The following BANP variants were observed in gnomAD, a reference collection of about 807,000 sequenced individuals.
The protein encoded by BANP is protein BANP.
In BANP, 11 loss-of-function variants were observed where a neutral mutation model predicts 68.1. The ratio of observed to expected loss-of-function variants is 0.16; its 90% CI spans 0.10 to 0.27. BANP has a LOEUF of 0.27. BANP is among the 10% of genes least tolerant of loss of function. The pLI is 1.00. For synonymous variants in BANP, 329 were observed against 303.2 expected, an observed-to-expected ratio of 1.09 and a Z score of -0.88; for missense variants, 504 against 722.7, an observed-to-expected ratio of 0.70 and a Z score of 3.47.
chr16:88,049,360 G>A (rs1046017280), intron 11 of BANP, among the ~76,000 whole-genome samples: 2 of 152,192 alleles, frequency 1.3e-5, no homozygotes, highest in African/African-American at 4.8e-5. Flanking sequence ...ACATCCCGGC[G>A]AGGTACGGGG....
intron 11 of BANP, among the ~76,000 whole-genome samples, chr16:88,042,034 G>A (rs2080942872): frequency 1.3e-5 from 2 of 152,204 alleles, no homozygotes; most frequent in Admixed American, 1.3e-4. Flanking sequence ...AGTAGGAGGG[G>A]TCGGGAGAGC....
chr16:87,985,038 C>A (rs1349191399), intron 4 of BANP, among the ~76,000 whole-genome samples: 1 of 151,908 alleles, frequency 6.6e-6, no homozygotes, highest in African/African-American at 2.4e-5. Context: ...GCAGCGGGGG[C>A]GCCGGGGAGG....
intron 8 of BANP, among the ~76,000 whole-genome samples, chr16:88,032,837 T>C (rs564010584): frequency 6.6e-4 from 100 of 152,344 alleles, no homozygotes; most frequent in African/African-American, 2.4e-3. Flanking sequence ...TTCATTCATT[T>C]AAATAAGTTG....
intron 12 of BANP, among the ~76,000 whole-genome samples, chr16:88,067,130 G>A (rs1428658704): frequency 6.6e-6 from 1 of 152,224 alleles, no homozygotes; most frequent in South Asian, 2.1e-4. Context: ...GTGTGTGGGG[G>A]AAGGTGAAGC....
At chr16:88,039,521 C>T (rs1305606854) in intron 11 of BANP, among the ~76,000 whole-genome samples, 1 of 143,958 alleles carries the variant, frequency 6.9e-6, no homozygotes, top group Admixed American at 7.1e-5. Context: ...AAGTAAGGCA[C>T]GTCACCTTCG....
In BANP at chr16:88,071,285, G is replaced by A. The variant is rs1343463376; in HGVS notation, c.1378-784G>A. The A allele has an allele frequency of 2.8e-6, 1 of 363,560 alleles. No homozygotes were observed. The highest frequency in any genetic ancestry group is 5.4e-6 in the Non-Finnish European group (1 of 184,038). The allele number at this position is 363,560 out of a possible 1,614,324, so 22.5% of individuals were successfully genotyped here. ...GCTCATGTCAAGTGCCCTCAGGGCT[G>A]GGGCTGCCCACCCGCCTGCCTGGGC... is the stretch of plus-strand genomic sequence containing the variant. On this transcript the variant is annotated intron_variant, in intron 12 of 13. Coordinates refer to ENST00000682872, the MANE Select transcript of BANP (RefSeq NM_001386991.1). This position sits in a 1 kb window ranked among gnomAD's most constrained non-coding sequence, Gnocchi z 6.5.
At chr16:87,973,768 A>AAAAAAAAAAAAAAAAAAAAAAGAAAG (rs2061546192) in intron 1 of BANP, among the ~76,000 whole-genome samples, 2 of 104,930 alleles carry the variant, frequency 1.9e-5, no homozygotes, top group African/African-American at 3.1e-5. Context: ...AAAAAAAAAA[A>AAAAAAAAAAAAAAAAAAAAAAGAAAG]AAAAAAGAAA....
chr16:87,980,269 A>G (rs1055263627), intron 2 of BANP, among the ~76,000 whole-genome samples: 2 of 152,266 alleles, frequency 1.3e-5, no homozygotes, highest in Admixed American at 1.3e-4. Context: ...GTCTAAGGAA[A>G]AGGACTAGAA....
At chr16:87,964,064 C>A (rs76426551) in intron 1 of BANP, among the ~76,000 whole-genome samples, 3 of 152,236 alleles carry the variant, frequency 2.0e-5, no homozygotes, top group African/African-American at 7.2e-5. Context: ...CACCCTGATT[C>A]CACATTCATG....
Position 88,018,578 on chromosome 16 carries a change from A to G in BANP, c.806A>G (p.His269Arg). Residue 269 changes from histidine to arginine, a missense_variant, in exon 7 of 14, where the codon CAC becomes CGC. Physicochemically the swap from His to Arg is conservative, Grantham distance 29. Transcript: ENST00000682872. The surrounding 1 kb of genome is among the most constrained non-coding windows in gnomAD (Gnocchi z 7.7). ...CTCACGCTGCTGGACTACCTCTTCC[A>G]CCGCGAGGTGCAGGCTGTGTCCAAC... ...MALTLLDYLFHREVQAVSNLS... is the reference protein window; with the variant it reads ...MALTLLDYLFRREVQAVSNLS... The G allele has an allele frequency of 6.2e-7, 1 of 1,608,404 alleles. No individual in the cohort carries two copies.
chr16:88,058,985 C>T (rs1193545238), intron 11 of BANP, among the ~76,000 whole-genome samples: 14 of 152,076 alleles, frequency 9.2e-5, no homozygotes, highest in Admixed American at 7.2e-4. Context: ...GGCAGCTGCT[C>T]CTCCAGTGGT....
At chr16:87,951,319 C>T (rs543090454), upstream of BANP, 1 of 152,158 alleles carries the variant, frequency 6.6e-6, no homozygotes, top group South Asian at 2.1e-4. Flanking sequence ...GGGAAAAGCG[C>T]GCGCAGCTGG....
At chr16:88,063,886 A>G (rs2087649640) in intron 11 of BANP, among the ~76,000 whole-genome samples, 2 of 152,234 alleles carry the variant, frequency 1.3e-5, no homozygotes, top group Admixed American at 1.3e-4. Context: ...GGTGAATGAA[A>G]ATAAAAGTAG....
At chr16:88,056,208 A>G (rs2084964334) in intron 11 of BANP, among the ~76,000 whole-genome samples, 1 of 152,156 alleles carries the variant, frequency 6.6e-6, no homozygotes, top group Non-Finnish European at 1.5e-5. Context: ...GAGAGTGTGG[A>G]GTGGCTGTGG....
intron 11 of BANP, among the ~76,000 whole-genome samples, chr16:88,043,351 T>C (rs2081265721): frequency 6.6e-6 from 1 of 152,184 alleles, no homozygotes; most frequent in South Asian, 2.1e-4. Context: ...TGCTTCTTCA[T>C]TGAGAGTGGA....
At chr16:88,006,369 A>T (rs920686990) in intron 6 of BANP, 104 bp downstream of exon 6, 1 of 1,370,316 alleles carries the variant, frequency 7.3e-7, no homozygotes, top group African/African-American at 1.5e-5. Context: ...TACAGTGGCC[A>T]GGCGCGGTGG....
At chr16:87,994,119 T>TGTGCTGCGGC (rs2066588399) in intron 4 of BANP, among the ~76,000 whole-genome samples, 1 of 151,944 alleles carries the variant, frequency 6.6e-6, no homozygotes, top group African/African-American at 2.4e-5. Context: ...TGTGCTGCGG[T>TGTGCTGCGGC]GCACTGTGTC....
At chr16:88,053,688 C>T (rs1567885627) in intron 11 of BANP, among the ~76,000 whole-genome samples, 1 of 145,424 alleles carries the variant, frequency 6.9e-6, no homozygotes, top group African/African-American at 2.7e-5. Flanking sequence ...CCACCTCTAC[C>T]ACTGTCATCT....
Position 88,002,661 on chromosome 16 carries a change from A to G in BANP, c.363-1634A>G, listed in dbSNP as rs1311007087. The stretch of plus-strand genomic sequence containing the variant: ...GGGCACCCGAGGGGCACATTATTCC[A>G]GTTGGGAGCTGGTTGTCTTAGAATA... On this transcript the variant is annotated intron_variant, in intron 4 of 13. Coordinates refer to ENST00000682872, the MANE Select transcript of BANP (RefSeq NM_001386991.1). This position sits in a 1 kb window ranked among gnomAD's most constrained non-coding sequence, Gnocchi z 4.6. 6.6e-6 allele frequency among the ~76,000 whole-genome samples: 1 copy of G among 152,116 alleles called. No individual in the cohort carries two copies. The highest frequency in any genetic ancestry group is 1.5e-5 in the Non-Finnish European group (1 of 68,024).
Sources: allele counts gnomAD v4.1 joint callset (sites outside exome capture counted in the v4.1 genomes callset), GRCh38; gene constraint gnomAD v4.1.1; non-coding constraint Gnocchi (gnomAD v3.1); transcripts MANE v1.5; gene names NCBI Gene and HGNC (gene_info 2026-07-23, HGNC 2026-07-21).